COL4A5: variants seen among roughly 807,000 people sequenced by gnomAD.
COL4A5 encodes the protein collagen alpha-5(IV) chain.
A neutral mutation model predicts 130.2 loss-of-function variants in COL4A5; 26 were observed. The observed-to-expected ratio is 0.20, with a 90% CI of 0.15 to 0.28. The LOEUF (loss-of-function observed/expected upper bound fraction) is 0.28. Among genes scored for constraint, COL4A5 ranks in the 10% least tolerant of loss-of-function variants. The probability of loss-of-function intolerance (pLI) is 1.00; values close to 1 mark genes in which losing one functional copy is unlikely to be tolerated. For synonymous variants in COL4A5, 496 were observed against 439.6 expected, an observed-to-expected ratio of 1.13 and a Z score of -1.60; for missense variants, 1,131 against 1,344.3, an observed-to-expected ratio of 0.84 and a Z score of 2.48.
Position 108,513,529 on chromosome X carries a change from A to G in COL4A5, c.82-26217A>G, listed in dbSNP as rs181111534. 1.5e-3 allele frequency among the ~76,000 whole-genome samples: 162 copies of G among 110,776 alleles called. No individual in the cohort carries two copies. In the East Asian group the frequency reaches 0.036, roughly 25 times the overall value. ...TCATGTGCTTATTGGACATTTGTGT[A>G]TTTTCTTTTGTGAGGAGTCTGTTAA... is the stretch of plus-strand genomic sequence containing the variant. On this transcript the variant is annotated intron_variant, in intron 1 of 52. Transcript: ENST00000328300.
At chrX:108,543,491 T>C (rs777157166) in intron 2 of COL4A5, among the ~76,000 whole-genome samples, 14 of 111,834 alleles carry the variant, frequency 1.3e-4, no homozygotes, top group African/African-American at 4.5e-4. Context: ...ACCAGTACCA[T>C]GCTGTTTTGG....
chrX:108,603,066 G>A lies in COL4A5; in HGVS notation c.2244+5G>A, dbSNP rs1009233044. The A allele has an allele frequency of 1.2e-5, 13 of 1,111,057 alleles. No individual in the cohort carries two copies. 91.6% of individuals were successfully genotyped at this position (1,111,057 alleles called of 1,213,427 possible). On this transcript the variant is annotated splice_donor_5th_base_variant and intron_variant, in intron 28 of 52. Transcript: ENST00000328300. ...CCCGGCTTTCCAGGACCAAAGGTCT[G>A]GGACATTTTTCTTTATTCCTTCTCA...
At chrX:108,500,873 C>T (rs972714950) in intron 1 of COL4A5, among the ~76,000 whole-genome samples, 1 of 110,785 alleles carries the variant, frequency 9.0e-6, no homozygotes, top group African/African-American at 3.3e-5. Context: ...TTCAGACCAA[C>T]GAGTGAGGGA....
Position 108,573,583 on chromosome X carries a change from G to A in COL4A5, c.475G>A (p.Gly159Ser). 1 of 1,199,379 alleles carries A rather than the reference G, an allele frequency of 8.3e-7. No individual in the cohort carries two copies. Among genetic ancestry groups the A allele is most frequent in the East Asian group, 3.0e-5 (1 of 33,743 alleles). ...PGIPGMKGEPGSIIMSSLPGP... is the reference protein window; with the variant it reads ...PGIPGMKGEPSSIIMSSLPGP... ...TGATGGCTTCTTTTAGGGTGAACCA[G>A]GTAGTATAATTATGTCATCACTGCC... The change falls in exon 9 of 53, where the codon GGT (glycine) becomes AGT (serine). Residue 159 changes from glycine (G) to serine (S), a missense_variant. Transcript: ENST00000328300.
chrX:108,670,286 A>G, intron 42 of COL4A5, 50 bp downstream of exon 42: 2 of 1,204,093 alleles, frequency 1.7e-6, no homozygotes, highest in South Asian at 1.8e-5. Flanking sequence ...TGAAACTTAT[A>G]TACCTGTACC....
At chrX:108,565,199 A>G (rs925756111) in intron 4 of COL4A5, among the ~76,000 whole-genome samples, 3 of 111,217 alleles carry the variant, frequency 2.7e-5, no homozygotes, top group East Asian at 2.8e-4. Flanking sequence ...GTGCTTGGGA[A>G]TAGGTGGCCT....
At chrX:108,643,065 AC>A (rs1438164257) in intron 36 of COL4A5, among the ~76,000 whole-genome samples, 3 of 111,570 alleles carry the variant, frequency 2.7e-5, no homozygotes, top group Non-Finnish European at 5.6e-5. Context: ...ATAAATAAAA[AC>A]AATCAAAACT....
intron 1 of COL4A5, among the ~76,000 whole-genome samples, chrX:108,526,609 T>TTTCTTTCC (rs2065318285): frequency 2.0e-5 from 1 of 50,198 alleles, no homozygotes; most frequent in African/African-American, 1.4e-4. Context: ...TCTTTCTTTC[T>TTTCTTTCC]TTCTTTCTTT....
At chrX:108,575,105 CA>C (rs201147362) in intron 9 of COL4A5, among the ~76,000 whole-genome samples, 5 of 109,638 alleles carry the variant, frequency 4.6e-5, no homozygotes, top group Non-Finnish European at 7.6e-5. Flanking sequence ...TTTTTCATTA[CA>C]AAAAAAAATC....
At chrX:108,695,611 CTT>C in intron 52 of COL4A5, 172 bp downstream of exon 52, 1 of 501,378 alleles carries the variant, frequency 2.0e-6, no homozygotes, top group Non-Finnish European at 3.3e-6. Flanking sequence ...GAAAAACAGA[CTT>C]GATTATTAAT....
chrX:108,602,031 A>C (rs2066641423), intron 27 of COL4A5, 42 bp downstream of exon 27: 1 of 656,046 alleles, frequency 1.5e-6, no homozygotes, highest in Non-Finnish European at 2.4e-6. Context: ...TTAGAAGTTT[A>C]GCATGATGTT....
chrX:108,467,655 G>A (rs942330636), intron 1 of COL4A5, among the ~76,000 whole-genome samples: 1 of 111,183 alleles, frequency 9.0e-6, no homozygotes, highest in African/African-American at 3.3e-5. Context: ...ATTCATTTAG[G>A]TTTTCTTTAA....
intron 29 of COL4A5, among the ~76,000 whole-genome samples, chrX:108,608,640 G>A (rs2066775670): frequency 9.0e-6 from 1 of 111,277 alleles, no homozygotes. Flanking sequence ...AAATTCCATA[G>A]CTGTATATTA....
At chrX:108,599,821 G>A (rs897363350) in intron 25 of COL4A5, among the ~76,000 whole-genome samples, 2 of 112,171 alleles carry the variant, frequency 1.8e-5, no homozygotes, top group African/African-American at 6.5e-5. Flanking sequence ...AAAGCCTAAA[G>A]TATTTACTCT....
intron 29 of COL4A5, among the ~76,000 whole-genome samples, chrX:108,611,059 A>G (rs1037490666): frequency 2.7e-5 from 3 of 111,235 alleles, no homozygotes; most frequent in African/African-American, 9.8e-5. Context: ...CAAGCAGATC[A>G]CAATAAAAGT....
chrX:108,642,850 A>G (rs1322063474), intron 36 of COL4A5, among the ~76,000 whole-genome samples: 2 of 81,365 alleles, frequency 2.5e-5, no homozygotes, highest in Non-Finnish European at 4.0e-5. Flanking sequence ...CCCCTCTCCA[A>G]AAAAAAAAAA....
At chrX:108,580,954 T>C in intron 15 of COL4A5, 29 bp from the exon 16 acceptor site, 1 of 1,184,291 alleles carries the variant, frequency 8.4e-7, no homozygotes, top group African/African-American at 1.7e-5. Context: ...ATGTATGTTG[T>C]TGCCCTATCA....
intron 1 of COL4A5, among the ~76,000 whole-genome samples, chrX:108,479,453 G>A (rs2064867327): frequency 8.9e-6 from 1 of 112,352 alleles, no homozygotes; most frequent in African/African-American, 3.2e-5. Context: ...GTGTCCTTCA[G>A]GGATGTCCTA....
intron 1 of COL4A5, among the ~76,000 whole-genome samples, chrX:108,508,260 C>T (rs183945712): frequency 1.4e-3 from 153 of 110,278 alleles, no homozygotes; most frequent in Middle Eastern, 4.6e-3. Flanking sequence ...CACCAAGAGC[C>T]GAATCAGGAA....
Sources: gnomAD v4.1 joint callset for allele counts (sites outside exome capture counted in the v4.1 genomes callset) on GRCh38, gnomAD v4.1.1 for gene constraint, MANE v1.5 for transcripts, NCBI Gene and HGNC (gene_info 2026-07-23, HGNC 2026-07-21) for gene names.